IGSF11: variants seen among roughly 807,000 people sequenced by gnomAD.
IGSF11 encodes the protein immunoglobulin superfamily member 11.
A neutral mutation model predicts 41.0 loss-of-function variants in IGSF11; 22 were observed. The ratio of observed to expected loss-of-function variants is 0.54; its 90% CI spans 0.38 to 0.77. IGSF11 has a LOEUF of 0.77. IGSF11 is among the 30% of genes least tolerant of loss of function. IGSF11 has a pLI of 0.00. For synonymous variants in IGSF11, 219 were observed against 201.3 expected, an observed-to-expected ratio of 1.09 and a Z score of -0.74; for missense variants, 444 against 530.8, an observed-to-expected ratio of 0.84 and a Z score of 1.61.
upstream of IGSF11, among the ~76,000 whole-genome samples, chr3:119,037,208 C>A (rs1940949275): frequency 6.6e-6 from 1 of 152,124 alleles, no homozygotes; most frequent in Non-Finnish European, 1.5e-5. Context: ...CTTTAAATCC[C>A]TTAAGTATTC....
At chr3:119,141,576 A>G (rs2077648632) in intron 1 of IGSF11, among the ~76,000 whole-genome samples, 1 of 150,016 alleles carries the variant, frequency 6.7e-6, no homozygotes, top group Non-Finnish European at 1.5e-5. Flanking sequence ...TAAGTAATGA[A>G]AAAAGGGACA....
At chr3:119,008,164 G>GAAC (rs1188491463) in intron 1 of IGSF11, among the ~76,000 whole-genome samples, 5 of 151,946 alleles carry the variant, frequency 3.3e-5, no homozygotes, top group African/African-American at 1.2e-4. Context: ...GTTAAGAAAT[G>GAAC]AACAACAACA....
chr3:118,987,017 A>C (rs1935322660), intron 1 of IGSF11, among the ~76,000 whole-genome samples: 1 of 152,206 alleles, frequency 6.6e-6, no homozygotes, highest in South Asian at 2.1e-4. Flanking sequence ...AGATTCATTT[A>C]TCTAGACATC....
intron 1 of IGSF11, among the ~76,000 whole-genome samples, chr3:118,953,330 CA>C (rs1452856683): frequency 6.6e-6 from 1 of 152,170 alleles, no homozygotes; most frequent in East Asian, 1.9e-4. Flanking sequence ...CATATATTTG[CA>C]ATTACAAATT....
intron 1 of IGSF11, among the ~76,000 whole-genome samples, chr3:119,097,957 A>ATTTTTTGTTTTTTTTTTTTTTTTTTT (rs2076880731): frequency 1.7e-5 from 1 of 58,360 alleles, no homozygotes; most frequent in Admixed American, 2.5e-4. Flanking sequence ...CATTCAGCTA[A>ATTTTTTGTTTTTTTTTTTTTTTTTTT]TTTTTTTTTT....
At chr3:119,059,066 T>C (rs929681999) in intron 1 of IGSF11, among the ~76,000 whole-genome samples, 45 of 151,960 alleles carry the variant, frequency 3.0e-4, no homozygotes, top group African/African-American at 1.0e-3. Context: ...ATGGCACATG[T>C]ATACATATGT....
At chr3:118,928,753 T>G in intron 2 of IGSF11, 37 bp from the exon 3 acceptor site, 23 of 1,417,942 alleles carry the variant, frequency 1.6e-5, no homozygotes, top group Non-Finnish European at 2.2e-5. Flanking sequence ...CTGGCCACTC[T>G]ATCCTCTCCT....
intron 1 of IGSF11, among the ~76,000 whole-genome samples, chr3:119,001,603 C>A (rs1322908556): frequency 1.0e-4 from 14 of 136,166 alleles, no homozygotes; most frequent in African/African-American, 3.8e-4. Flanking sequence ...GTATATCTCC[C>A]AATGCTATCC....
intron 1 of IGSF11, among the ~76,000 whole-genome samples, chr3:118,980,754 C>T (rs751375005): frequency 6.6e-6 from 1 of 152,184 alleles, no homozygotes; most frequent in Non-Finnish European, 1.5e-5. Context: ...TTAATCATTA[C>T]ACATCTATGC....
intron 1 of IGSF11, among the ~76,000 whole-genome samples, chr3:118,976,826 C>T (rs1385487564): frequency 6.6e-6 from 1 of 152,222 alleles, no homozygotes; most frequent in East Asian, 1.9e-4. Flanking sequence ...GTCCTTCCTT[C>T]ATTTGCCAAC....
chr3:119,039,598 T>C (rs1171128639), upstream of IGSF11, among the ~76,000 whole-genome samples: 2 of 152,216 alleles, frequency 1.3e-5, no homozygotes, highest in East Asian at 3.8e-4. Flanking sequence ...GCCCTTATTC[T>C]GATTACCACA....
chr3:119,085,763 C>T (rs2076660320), intron 1 of IGSF11, among the ~76,000 whole-genome samples: 1 of 152,208 alleles, frequency 6.6e-6, no homozygotes, highest in Admixed American at 6.5e-5. Context: ...GAAGTGTTAA[C>T]AGCAGAACAG....
upstream of IGSF11, among the ~76,000 whole-genome samples, chr3:119,106,849 G>A (rs12489654): frequency 0.073 from 10,889 of 149,718 alleles, 521 homozygotes; most frequent in Admixed American, 0.16. Context: ...TTGGTTTTTT[G>A]TCCTTGAGAT....
At chr3:119,080,068 G>T (rs944661648) in intron 1 of IGSF11, among the ~76,000 whole-genome samples, 1 of 152,146 alleles carries the variant, frequency 6.6e-6, no homozygotes. Flanking sequence ...AAAGGGTTAG[G>T]TTAAATTGCA....
At chr3:119,073,390 G>A (rs376017639) in intron 1 of IGSF11, among the ~76,000 whole-genome samples, 24 of 152,306 alleles carry the variant, frequency 1.6e-4, no homozygotes, top group Middle Eastern at 3.4e-3. Context: ...GTCCTGGGCC[G>A]CGCATCTGCA....
At chr3:119,055,941 A>G (rs910656848) in intron 1 of IGSF11, among the ~76,000 whole-genome samples, 2 of 152,230 alleles carry the variant, frequency 1.3e-5, no homozygotes, top group Non-Finnish European at 2.9e-5. Context: ...AAGACTCAAC[A>G]TACCAGAATC....
intron 4 of IGSF11, among the ~76,000 whole-genome samples, chr3:118,914,402 C>A (rs908505124): frequency 1.3e-5 from 2 of 151,464 alleles, no homozygotes; most frequent in Non-Finnish European, 2.9e-5. Context: ...GGTGCGCGCA[C>A]CGTGTGCGAG....
chr3:119,023,951 G>A (rs1020953617), intron 1 of IGSF11, among the ~76,000 whole-genome samples: 3 of 152,156 alleles, frequency 2.0e-5, no homozygotes, highest in Non-Finnish European at 4.4e-5. Flanking sequence ...GCTTGGTCAT[G>A]GAAATTGTGA....
chr3:118,970,966 A>G (rs978258760), intron 1 of IGSF11, among the ~76,000 whole-genome samples: 9 of 152,208 alleles, frequency 5.9e-5, no homozygotes, highest in Non-Finnish European at 1.2e-4. Context: ...AGAACAGGCA[A>G]CAATAAAGCT....
Sources: gnomAD v4.1 joint callset for allele counts (sites outside exome capture counted in the v4.1 genomes callset) on GRCh38, gnomAD v4.1.1 for gene constraint, MANE v1.5 for transcripts, NCBI Gene and HGNC (gene_info 2026-07-23, HGNC 2026-07-21) for gene names.